Variants in IL1RAPL1 observed in about 807,000 individuals in gnomAD.
IL1RAPL1 encodes interleukin-1 receptor accessory protein-like 1.
Under a neutral mutation model 48.4 loss-of-function variants are expected in IL1RAPL1, and 3 were observed. That is an observed-to-expected ratio of 0.06 (90% CI 0.03 to 0.16). The LOEUF (loss-of-function observed/expected upper bound fraction) is 0.16. IL1RAPL1 is among the 10% of genes least tolerant of loss of function. IL1RAPL1 has a pLI of 1.00. For synonymous variants in IL1RAPL1, 185 were observed against 187.7 expected (o/e 0.99, Z 0.12); for missense variants, 349 against 530.6 (o/e 0.66, Z 3.36).
rs1201269743 is a variant in IL1RAPL1, at chrX:29,226,432, TTTTC to T, written c.83-56494_83-56491del. Reference sequence around the variant, plus strand: ...TAGCAAACAGGTTGCTTCATCATTTTTTTCTTTCTTTCTTTTTTTTTTTTTTTTT... The same window carrying T: ...TAGCAAACAGGTTGCTTCATCATTTTTTTCTTTCTTTTTTTTTTTTTTTTT... On this transcript the variant is annotated intron_variant, in intron 2 of 10. Transcript: ENST00000378993. Among the ~76,000 whole-genome samples, 12 of 97,857 alleles carry T rather than the reference TTTTC, an allele frequency of 1.2e-4. 1 individual carries two copies. The highest frequency in any genetic ancestry group is 8.7e-4 in the East Asian group (3 of 3,464). The allele number at this position is 97,857 out of a possible 115,157, so 85.0% of individuals were successfully genotyped here. A position where few individuals can be genotyped will look rare whatever the true frequency, so the allele number is the denominator to read the frequency against.
rs1306789826 is a variant in IL1RAPL1 at position 28,712,317 on chromosome X, T to G, written c.-24-77003T>G. Among the ~76,000 whole-genome samples, 4 of 110,759 alleles carry G rather than the reference T, an allele frequency of 3.6e-5. No individual in the cohort carries two copies. In the Admixed American group the frequency reaches 3.9e-4, roughly 11 times the overall value. Reference sequence around the variant, plus strand: ...CTCTGCCTTGGTGATTGTAGAAGTTTCTAAAGGATATTTTCACTGGATATA... The same window carrying G: ...CTCTGCCTTGGTGATTGTAGAAGTTGCTAAAGGATATTTTCACTGGATATA... On this transcript the variant is annotated intron_variant, in intron 1 of 10. Transcript: ENST00000378993.
chrX:28,853,825 G>A (rs1237829009), intron 2 of IL1RAPL1, among the ~76,000 whole-genome samples: 1 of 111,996 alleles, frequency 8.9e-6, no homozygotes, highest in Non-Finnish European at 1.9e-5. Flanking sequence ...AAGTTTCAAA[G>A]TGTGGTTAAG....
Position 28,781,235 on chromosome X carries a change from GAGACTTGA to G in IL1RAPL1, c.-24-8082_-24-8075del, listed in dbSNP as rs201268220. 3.2e-3 allele frequency among the ~76,000 whole-genome samples: 350 copies of G among 110,083 alleles called. 2 individuals are homozygous for G. Among genetic ancestry groups the G allele is most frequent in the African/African-American group, 0.011 (322 of 30,562 alleles). Reference sequence around the variant, plus strand: ...GTCATCTGGGTCTTAGGTCTTATCTGAGACTTGAAGTCCTCTTCCAAGCTCTTATGGTT... The same window carrying G: ...GTCATCTGGGTCTTAGGTCTTATCTGAGTCCTCTTCCAAGCTCTTATGGTT... On this transcript the variant is annotated intron_variant, in intron 1 of 10. Coordinates refer to ENST00000378993, the MANE Select transcript of IL1RAPL1 (RefSeq NM_014271.4).
chrX:29,383,247 A>G (rs1234347450), intron 3 of IL1RAPL1, among the ~76,000 whole-genome samples: 1 of 112,143 alleles, frequency 8.9e-6, no homozygotes, highest in African/African-American at 3.2e-5. Context: ...CAATAACTCT[A>G]TGAGATTAAG....
At chrX:29,311,657 G>A (rs960515686) in intron 3 of IL1RAPL1, among the ~76,000 whole-genome samples, 11 of 111,426 alleles carry the variant, frequency 9.9e-5, no homozygotes, top group African/African-American at 3.6e-4. Flanking sequence ...TAGTGGCTAC[G>A]GTACTGGACA....
chrX:29,686,596 C>T (rs1293043102), intron 6 of IL1RAPL1, among the ~76,000 whole-genome samples: 1 of 106,459 alleles, frequency 9.4e-6, no homozygotes, highest in Non-Finnish European at 1.9e-5. Flanking sequence ...CTCGCTCTGT[C>T]GCCCAGGCTG....
chrX:29,201,144 C>G (rs768884552), intron 2 of IL1RAPL1, among the ~76,000 whole-genome samples: 1 of 111,336 alleles, frequency 9.0e-6, no homozygotes, highest in Middle Eastern at 4.2e-3. Context: ...TGACATTTTC[C>G]AATGCCTAGA....
intron 6 of IL1RAPL1, among the ~76,000 whole-genome samples, chrX:29,685,984 C>T (rs1184469239): frequency 1.3e-5 from 1 of 78,319 alleles, no homozygotes; most frequent in Non-Finnish European, 2.5e-5. Context: ...GACTCCGTCT[C>T]AAAAAAAAAA....
intron 2 of IL1RAPL1, among the ~76,000 whole-genome samples, chrX:29,076,794 G>GTCTATCTATCTA (rs770331923): frequency 2.0e-4 from 7 of 34,678 alleles, no homozygotes; most frequent in East Asian, 6.9e-4. Context: ...CTGTCTGTCT[G>GTCTATCTATCTA]TCTGTCTGTC....
At chrX:29,528,810 T>G (rs1281761859) in intron 5 of IL1RAPL1, among the ~76,000 whole-genome samples, 1 of 111,892 alleles carries the variant, frequency 8.9e-6, no homozygotes, top group Non-Finnish European at 1.9e-5. Context: ...GGGAGTGAAA[T>G]CCACCATCTA....
chrX:28,893,134 G>T (rs1446964319), intron 2 of IL1RAPL1, among the ~76,000 whole-genome samples: 1 of 111,001 alleles, frequency 9.0e-6, no homozygotes, highest in Non-Finnish European at 1.9e-5. Flanking sequence ...CAAGTTTTTT[G>T]GGGTGCAGTC....
intron 2 of IL1RAPL1, among the ~76,000 whole-genome samples, chrX:29,016,342 T>G (rs936687721): frequency 9.0e-6 from 1 of 111,538 alleles, no homozygotes; most frequent in Non-Finnish European, 1.9e-5. Flanking sequence ...AGGGAATAAT[T>G]TAATATGTGA....
At chrX:29,045,995 CCTT>C (rs1455445815) in intron 2 of IL1RAPL1, among the ~76,000 whole-genome samples, 17 of 82,644 alleles carry the variant, frequency 2.1e-4, no homozygotes, top group African/African-American at 1.5e-4. Context: ...TCCTCCTCCT[CCTT>C]CTTCTTCTTG....
chrX:28,899,290 T>C (rs1923014477), intron 2 of IL1RAPL1, among the ~76,000 whole-genome samples: 1 of 111,441 alleles, frequency 9.0e-6, no homozygotes, highest in African/African-American at 3.3e-5. Flanking sequence ...GATATTTGGC[T>C]GGGGACATAA....
At chrX:29,246,746 C>T (rs899022042) in intron 2 of IL1RAPL1, among the ~76,000 whole-genome samples, 22 of 111,274 alleles carry the variant, frequency 2.0e-4, no homozygotes, top group Non-Finnish European at 3.6e-4. Context: ...CTTCATTCTT[C>T]CCAATGAGGT....
chrX:28,943,896 C>T (rs1467851843), intron 2 of IL1RAPL1, among the ~76,000 whole-genome samples: 1 of 110,756 alleles, frequency 9.0e-6, no homozygotes, highest in African/African-American at 3.3e-5. Flanking sequence ...TCGACATTCA[C>T]CTCAACATAG....
At chrX:29,178,347 A>T (rs1490250529) in intron 2 of IL1RAPL1, among the ~76,000 whole-genome samples, 3 of 112,416 alleles carry the variant, frequency 2.7e-5, no homozygotes, top group African/African-American at 9.7e-5. Context: ...ATGACCAGTG[A>T]TGATGAGCAT....
chrX:29,770,460 C>A, intron 6 of IL1RAPL1, among the ~76,000 whole-genome samples: 1 of 100,991 alleles, frequency 9.9e-6, no homozygotes, highest in Non-Finnish European at 2.0e-5. Flanking sequence ...AAGTATAAAC[C>A]TGTATAGTAG....
At chrX:28,805,273 C>G (rs1936718407) in intron 2 of IL1RAPL1, among the ~76,000 whole-genome samples, 1 of 111,209 alleles carries the variant, frequency 9.0e-6, no homozygotes, top group Admixed American at 9.6e-5. Flanking sequence ...GAAGGTAATT[C>G]CAGCTGCTTT....
Sources: gnomAD v4.1 joint callset for allele counts (sites outside exome capture counted in the v4.1 genomes callset) on GRCh38, gnomAD v4.1.1 for gene constraint, MANE v1.5 for transcripts, NCBI Gene and HGNC (gene_info 2026-07-23, HGNC 2026-07-21) for gene names.